TENM3: variants seen among roughly 807,000 people sequenced by gnomAD.
The protein encoded by TENM3 is teneurin transmembrane protein 3.
Under a neutral mutation model 255.1 loss-of-function variants are expected in TENM3, and 63 were observed. That is an observed-to-expected ratio of 0.25 (90% CI 0.20 to 0.30). The LOEUF is 0.30. Ranked by LOEUF, TENM3 falls within the 10% of genes least tolerant of loss-of-function variation. The probability of loss-of-function intolerance (pLI) is 1.00; values close to 1 mark genes in which losing one functional copy is unlikely to be tolerated. For missense variants in TENM3, 2,929 were observed against 3,461.1 expected, an observed-to-expected ratio of 0.85 and a Z score of 3.86; for synonymous variants, 1,306 against 1,322.3, an observed-to-expected ratio of 0.99 and a Z score of 0.27.
intron 3 of TENM3, among the ~76,000 whole-genome samples, chr4:182,544,000 T>C (rs1741164319): frequency 6.6e-6 from 1 of 152,174 alleles, no homozygotes; most frequent in Non-Finnish European, 1.5e-5. Flanking sequence ...TGCTTCAAGA[T>C]GTTCAGGTGA....
chr4:182,503,643 G>C (rs1329485494), intron 3 of TENM3, among the ~76,000 whole-genome samples: 1 of 152,162 alleles, frequency 6.6e-6, no homozygotes, highest in Non-Finnish European at 1.5e-5. Context: ...TTCTGGATTA[G>C]ATGGTTTTCA....
chr4:182,386,531 C>T (rs112271561), intron 3 of TENM3, among the ~76,000 whole-genome samples: 6,860 of 152,274 alleles, frequency 0.045, 508 homozygotes, highest in African/African-American at 0.15. Context: ...GGCTGGAGCC[C>T]GCTCCCTCAG....
intron 5 of TENM3, among the ~76,000 whole-genome samples, chr4:182,638,190 C>T (rs932121135): frequency 5.9e-5 from 9 of 152,194 alleles, no homozygotes; most frequent in African/African-American, 2.2e-4. Context: ...TTGTTCCTTT[C>T]TCTTAATTTC....
chr4:182,348,589 T>TAA (rs1408255220), intron 3 of TENM3, among the ~76,000 whole-genome samples: 3 of 152,194 alleles, frequency 2.0e-5, no homozygotes, highest in Non-Finnish European at 2.9e-5. Context: ...TCCACATCCA[T>TAA]AGCTATCAAA....
chr4:182,394,034 C>T (rs1030611702), intron 3 of TENM3, among the ~76,000 whole-genome samples: 2 of 152,078 alleles, frequency 1.3e-5, no homozygotes, highest in African/African-American at 2.4e-5. Flanking sequence ...GTGGGGAGCA[C>T]GTGGTGATTC....
chr4:182,039,823 T>A, the TENM3 span, among the ~76,000 whole-genome samples: 5 of 144,826 alleles, frequency 3.5e-5, no homozygotes, highest in African/African-American at 1.3e-4. Flanking sequence ...TCAGCAAACA[T>A]CAGTTAAATA....
rs1186763958 is a variant in TENM3 at position 182,802,734 on chromosome 4, A to G, written c.*2383A>G. On this transcript the variant is annotated 3_prime_UTR_variant, in exon 28 of 28. Transcript: ENST00000511685. Reference sequence around the variant, plus strand: ...ACTTGTGATCTGGACATGCTTTTACAAGAAATAGTGACCTTGGGGAATATG... The same window carrying G: ...ACTTGTGATCTGGACATGCTTTTACGAGAAATAGTGACCTTGGGGAATATG... The G allele has an allele frequency of 6.6e-6, 1 of 152,512 alleles. No individual in the cohort carries two copies. The highest frequency in any genetic ancestry group is 2.4e-5 in the African/African-American group (1 of 41,392). 9.4% of individuals were successfully genotyped at this position (152,512 alleles called of 1,614,324 possible).
chr4:182,491,354 T>C (rs1319851044), intron 3 of TENM3, among the ~76,000 whole-genome samples: 2 of 151,710 alleles, frequency 1.3e-5, no homozygotes, highest in African/African-American at 4.8e-5. Flanking sequence ...CTCTACCTGC[T>C]TAATTCCATT....
At chr4:181,477,483 A>G in the TENM3 span, among the ~76,000 whole-genome samples, 1 of 152,154 alleles carries the variant, frequency 6.6e-6, no homozygotes, top group Non-Finnish European at 1.5e-5. Context: ...TTTTCCTAAT[A>G]AAATATTTGG....
the TENM3 span, among the ~76,000 whole-genome samples, chr4:181,791,649 A>C: frequency 6.6e-6 from 1 of 152,242 alleles, no homozygotes; most frequent in Admixed American, 6.5e-5. Context: ...AGCATTCGGC[A>C]GTAAGGAACT....
At chr4:181,546,393 G>C in the TENM3 span, among the ~76,000 whole-genome samples, 98 of 152,208 alleles carry the variant, frequency 6.4e-4, no homozygotes, top group African/African-American at 2.3e-3. Context: ...TATCACGTTG[G>C]TTATTTTAGT....
the TENM3 span, among the ~76,000 whole-genome samples, chr4:181,551,600 C>A: frequency 1.3e-5 from 2 of 152,152 alleles, no homozygotes; most frequent in East Asian, 1.9e-4. Flanking sequence ...CAGAAAACTT[C>A]ATGGAGAATA....
chr4:182,541,408 A>G (rs1261700992), intron 3 of TENM3, among the ~76,000 whole-genome samples: 3 of 152,226 alleles, frequency 2.0e-5, no homozygotes, highest in Non-Finnish European at 4.4e-5. Context: ...ATTTGTGCAC[A>G]TGAGCATCTT....
intron 3 of TENM3, among the ~76,000 whole-genome samples, chr4:182,368,404 CT>C: frequency 6.6e-6 from 1 of 152,190 alleles, no homozygotes; most frequent in Non-Finnish European, 1.5e-5. Flanking sequence ...CCAGTGGGCC[CT>C]TTTATCCTGT....
At chr4:181,777,754 T>C in the TENM3 span, among the ~76,000 whole-genome samples, 1 of 152,162 alleles carries the variant, frequency 6.6e-6, no homozygotes, top group Admixed American at 6.6e-5. Context: ...TTTAAATATG[T>C]CACACTTATG....
chr4:181,702,944 T>C, the TENM3 span, among the ~76,000 whole-genome samples: 1 of 152,212 alleles, frequency 6.6e-6, no homozygotes, highest in African/African-American at 2.4e-5. Context: ...CTAACACTTA[T>C]TAAGCATTAA....
At chr4:181,454,923 AC>A in the TENM3 span, among the ~76,000 whole-genome samples, 2,538 of 152,116 alleles carry the variant, frequency 0.017, 73 homozygotes, top group African/African-American at 0.057. Context: ...TGGCACATCA[AC>A]AAAATCACCT....
the TENM3 span, among the ~76,000 whole-genome samples, chr4:181,907,552 G>A: frequency 6.6e-6 from 1 of 152,302 alleles, no homozygotes; most frequent in Non-Finnish European, 1.5e-5. Context: ...CCAGAGTCCT[G>A]TGCTGGGTAT....
the TENM3 span, among the ~76,000 whole-genome samples, chr4:181,522,461 C>T: frequency 1.6e-4 from 25 of 152,270 alleles, no homozygotes; most frequent in African/African-American, 5.1e-4. Flanking sequence ...TTCTAAACAT[C>T]TTGCTTTTAG....
Sources: gnomAD v4.1 joint callset for allele counts (sites outside exome capture counted in the v4.1 genomes callset) on GRCh38, gnomAD v4.1.1 for gene constraint, MANE v1.5 for transcripts, NCBI Gene and HGNC (gene_info 2026-07-23, HGNC 2026-07-21) for gene names.